MAP3K7CL: variants seen among roughly 807,000 people sequenced by gnomAD.
MAP3K7CL encodes MAP3K7 C-terminal like, also known as MAP3K7 C-terminal-like protein.
MAP3K7CL carries 16 observed loss-of-function variants against 18.6 expected under a neutral mutation model. The observed-to-expected ratio is 0.86, with a 90% CI of 0.58 to 1.31. The LOEUF (loss-of-function observed/expected upper bound fraction) is 1.31. Among genes scored for constraint, MAP3K7CL ranks in the 50% most tolerant of loss-of-function variants. The pLI, the probability that MAP3K7CL is intolerant of heterozygous loss-of-function variation, is 0.00. For synonymous variants in MAP3K7CL, 65 were observed against 66.8 expected, an observed-to-expected ratio of 0.97 and a Z score of 0.13; for missense variants, 163 against 174.4, an observed-to-expected ratio of 0.93 and a Z score of 0.37.
In MAP3K7CL at chr21:29,175,082, A is replaced by G. The variant is rs2087936058; in HGVS notation, c.*190A>G. ...AAGGGATATTTTAAATGAGATCATT[A>G]ACGTGAAACTATTACTAGTATATGT... On this transcript the variant is annotated 3_prime_UTR_variant, in exon 5 of 5. Coordinates refer to ENST00000399928, the MANE Select transcript of MAP3K7CL (RefSeq NM_001286620.2). The G allele has an allele frequency of 2.0e-6, 1 of 488,008 alleles. No homozygotes were observed. The highest frequency in any genetic ancestry group is 3.8e-5 in the Admixed American group (1 of 26,468). 30.2% of individuals were successfully genotyped at this position (488,008 alleles called of 1,614,324 possible).
chr21:29,080,403 G>C (rs919807199), intron 1 of MAP3K7CL: 3 of 152,242 alleles, frequency 2.0e-5, no homozygotes, highest in African/African-American at 7.2e-5. Flanking sequence ...AGCCCCTAAG[G>C]CTGCCGTGGT....
At chr21:29,107,691 T>C (rs375443009) in intron 4 of MAP3K7CL, among the ~76,000 whole-genome samples, 1 of 152,140 alleles carries the variant, frequency 6.6e-6, no homozygotes, top group Non-Finnish European at 1.5e-5. Context: ...ATGAAAAAAA[T>C]AGGGACACTA....
At chr21:29,080,977 T>C (rs1458930812), upstream of MAP3K7CL, among the ~76,000 whole-genome samples, 1 of 152,118 alleles carries the variant, frequency 6.6e-6, no homozygotes, top group Non-Finnish European at 1.5e-5. Context: ...TTTTTACTCT[T>C]GATTTAAAAA....
intron 2 of MAP3K7CL, among the ~76,000 whole-genome samples, chr21:29,148,002 C>CATATGTATATGTACTGT (rs1230396434): frequency 1.3e-5 from 2 of 150,722 alleles, no homozygotes; most frequent in African/African-American, 2.4e-5. Flanking sequence ...ATGTGTATTG[C>CATATGTATATGTACTGT]ATATGTATAT....
At chr21:29,084,830 G>A (rs905789770), upstream of MAP3K7CL, among the ~76,000 whole-genome samples, 2 of 152,092 alleles carry the variant, frequency 1.3e-5, no homozygotes, top group African/African-American at 4.8e-5. Flanking sequence ...AGTGATTTTT[G>A]ATAACTTAGG....
intron 4 of MAP3K7CL, among the ~76,000 whole-genome samples, chr21:29,098,882 C>T (rs966877949): frequency 2.8e-4 from 42 of 152,172 alleles, no homozygotes; most frequent in African/African-American, 9.9e-4. Context: ...TGGACTTTGC[C>T]TCCTCAGTTA....
At chr21:29,162,209 G>A (rs891030308) in intron 4 of MAP3K7CL, among the ~76,000 whole-genome samples, 4 of 151,926 alleles carry the variant, frequency 2.6e-5, no homozygotes, top group African/African-American at 9.7e-5. Context: ...GTGAAGTGTG[G>A]TGGTATGATA....
intron 4 of MAP3K7CL, among the ~76,000 whole-genome samples, chr21:29,165,396 C>A (rs1417331223): frequency 6.6e-6 from 1 of 151,962 alleles, no homozygotes; most frequent in African/African-American, 2.4e-5. Flanking sequence ...TGAATAAGTT[C>A]TTTAGTGATG....
chr21:29,080,737 A>G, intron 1 of MAP3K7CL: 1 of 152,040 alleles, frequency 6.6e-6, no homozygotes, highest in Admixed American at 6.6e-5. Context: ...TCTGGGACCT[A>G]TTCCCAGAAG....
chr21:29,151,012 C>T (rs866842907), intron 3 of MAP3K7CL, among the ~76,000 whole-genome samples: 14 of 150,926 alleles, frequency 9.3e-5, no homozygotes, highest in African/African-American at 1.5e-4. Flanking sequence ...TCAAGTGATC[C>T]GCCCGCCTCA....
At chr21:29,152,025 C>A (rs1451894531) in intron 3 of MAP3K7CL, among the ~76,000 whole-genome samples, 1 of 151,858 alleles carries the variant, frequency 6.6e-6, no homozygotes, top group Non-Finnish European at 1.5e-5. Context: ...AGTGCTTTAT[C>A]TCTTTGTGAA....
chr21:29,145,589 C>A (rs2087110786), intron 2 of MAP3K7CL: 1 of 152,222 alleles, frequency 6.6e-6, no homozygotes, highest in Non-Finnish European at 1.5e-5. Flanking sequence ...ACACACCACA[C>A]ATCAACTTGG....
chr21:29,122,026 A>G (rs1170538320), intron 4 of MAP3K7CL: 1 of 152,166 alleles, frequency 6.6e-6, no homozygotes, highest in Non-Finnish European at 1.5e-5. Context: ...AGTGTACACT[A>G]CAGAATGTGT....
At chr21:29,104,904 C>T (rs1296623823) in intron 4 of MAP3K7CL, among the ~76,000 whole-genome samples, 1 of 152,222 alleles carries the variant, frequency 6.6e-6, no homozygotes, top group Non-Finnish European at 1.5e-5. Flanking sequence ...GCTTTGCCCC[C>T]ACCAGATCCA....
At chr21:29,147,382 A>G (rs1751914329) in intron 2 of MAP3K7CL, among the ~76,000 whole-genome samples, 2 of 151,870 alleles carry the variant, frequency 1.3e-5, no homozygotes, top group South Asian at 4.1e-4. Context: ...CTGTATATGT[A>G]TATGTACTGT....
chr21:29,099,879 C>T (rs1293744710), intron 4 of MAP3K7CL, among the ~76,000 whole-genome samples: 1 of 151,912 alleles, frequency 6.6e-6, no homozygotes, highest in Non-Finnish European at 1.5e-5. Context: ...GTCAGGAGAT[C>T]GACACCATCC....
chr21:29,159,924 T>A lies in MAP3K7CL; in HGVS notation c.133-17T>A. On this transcript the variant is annotated splice_polypyrimidine_tract_variant and intron_variant, in intron 3 of 4. Transcript: ENST00000399928. ...GATGCAAAGAAATGGACTAATTTCT[T>A]CTTGTTGTTTGTGAAGCCCCTGCCG... The A allele has an allele frequency of 6.2e-7, 1 of 1,600,348 alleles. No individual in the cohort carries two copies. Among genetic ancestry groups the A allele is most frequent in the South Asian group, 1.1e-5 (1 of 90,488 alleles).
chr21:29,170,748 C>T (rs897981579), intron 4 of MAP3K7CL, among the ~76,000 whole-genome samples: 5 of 151,868 alleles, frequency 3.3e-5, no homozygotes, highest in Admixed American at 6.6e-5. Context: ...CAGCGATTCT[C>T]CTGCCTCAGC....
In MAP3K7CL at chr21:29,141,157, G is replaced by T. The variant is rs77116667; in HGVS notation, c.70+7743G>T. On this transcript the variant is annotated intron_variant, in intron 2 of 4. Transcript: ENST00000399928. ...AGTCAGTCAAAATATTCTAACAACA[G>T]GATAAATAGACACTCACAAAATGAT... is the stretch of plus-strand genomic sequence containing the variant. Among the ~76,000 whole-genome samples, 30 of 152,278 alleles carry T rather than the reference G, an allele frequency of 2.0e-4. 1 individual carries two copies. In the East Asian group the frequency reaches 5.6e-3, roughly 28 times the overall value.
Sources: gnomAD v4.1 joint callset for allele counts (sites outside exome capture counted in the v4.1 genomes callset) on GRCh38, gnomAD v4.1.1 for gene constraint, MANE v1.5 for transcripts, NCBI Gene and HGNC (gene_info 2026-07-23, HGNC 2026-07-21) for gene names.